The following DAB1 variants were observed in gnomAD, a reference collection of about 807,000 sequenced individuals.
DAB1 encodes disabled homolog 1.
Under a neutral mutation model 64.6 loss-of-function variants are expected in DAB1, and 15 were observed. That is an observed-to-expected ratio of 0.23 (90% confidence interval 0.16 to 0.36). The LOEUF is 0.36. Ranked by LOEUF, DAB1 falls within the 10% of genes least tolerant of loss-of-function variation. DAB1 has a pLI of 1.00. For synonymous variants in DAB1, 235 were observed against 251.9 expected (o/e 0.93, Z 0.64); for missense variants, 596 against 706.7 (o/e 0.84, Z 1.78).
At chr1:57,097,837 G>A (rs916556156) in intron 4 of DAB1, among the ~76,000 whole-genome samples, 2 of 151,676 alleles carry the variant, frequency 1.3e-5, no homozygotes, top group African/African-American at 4.9e-5. Context: ...GAGTGCAGTG[G>A]TGCAATCTCA....
intron 6 of DAB1, among the ~76,000 whole-genome samples, chr1:57,761,264 G>A (rs1649073842): frequency 6.6e-6 from 1 of 152,226 alleles, no homozygotes; most frequent in South Asian, 2.1e-4. Flanking sequence ...GGAACTAGAA[G>A]ACATCAGGTT....
intron 3 of DAB1, among the ~76,000 whole-genome samples, chr1:58,419,628 T>G (rs1000453237): frequency 3.9e-5 from 6 of 152,220 alleles, no homozygotes; most frequent in Non-Finnish European, 8.8e-5. Flanking sequence ...CTTCCTGACC[T>G]ACTGGCTCCT....
At chr1:58,359,378 C>G (rs1050128931) in intron 3 of DAB1, among the ~76,000 whole-genome samples, 6 of 152,208 alleles carry the variant, frequency 3.9e-5, no homozygotes, top group African/African-American at 1.4e-4. Flanking sequence ...CTAAACCACA[C>G]TAAACTTCTG....
chr1:57,299,991 CCT>C (rs778713212), intron 1 of DAB1, among the ~76,000 whole-genome samples: 3 of 152,174 alleles, frequency 2.0e-5, no homozygotes, highest in Non-Finnish European at 4.4e-5. Flanking sequence ...CTCTCCTCAT[CCT>C]CTTTTTCTCT....
intron 5 of DAB1, among the ~76,000 whole-genome samples, chr1:58,046,393 C>A (rs1219433272): frequency 6.6e-6 from 1 of 152,164 alleles, no homozygotes; most frequent in Non-Finnish European, 1.5e-5. Flanking sequence ...TGGGTGACAT[C>A]TTGTCCCTCC....
chr1:57,038,437 G>A (rs945319942), intron 9 of DAB1, among the ~76,000 whole-genome samples: 1 of 152,158 alleles, frequency 6.6e-6, no homozygotes, highest in Non-Finnish European at 1.5e-5. Flanking sequence ...CCCATTTAAT[G>A]CCAAAATGTG....
chr1:57,937,799 C>G (rs1487666922), intron 5 of DAB1, among the ~76,000 whole-genome samples: 3 of 152,218 alleles, frequency 2.0e-5, no homozygotes, highest in Non-Finnish European at 4.4e-5. Context: ...TTACTAGTAT[C>G]TGGAGGAGCT....
chr1:58,337,851 T>C (rs189450616), intron 4 of DAB1, among the ~76,000 whole-genome samples: 159 of 152,290 alleles, frequency 1.0e-3, no homozygotes, highest in African/African-American at 3.4e-3. Context: ...AAATGTTAAG[T>C]TCAGTGAGTA....
In DAB1 at chr1:57,277,215, G is replaced by A. The variant is rs75938367; in HGVS notation, c.67+13749C>T. 6.2e-3 allele frequency among the ~76,000 whole-genome samples: 942 copies of A among 152,202 alleles called. 8 individuals carry two copies. Among genetic ancestry groups the A allele is most frequent in the African/African-American group, 0.021 (889 of 41,538 alleles). On this transcript the variant is annotated intron_variant, in intron 2 of 14. Transcript: ENST00000371236. ...AAGCTACTATGGTCAACAAAGTATC[G>A]ATTTTGAAACCAGACTGCTTGGGTT...
chr1:57,661,967 G>A (rs905533405), intron 6 of DAB1, among the ~76,000 whole-genome samples: 2 of 152,010 alleles, frequency 1.3e-5, no homozygotes, highest in Non-Finnish European at 2.9e-5. Context: ...AGGAATGTTG[G>A]GACTTGAGGG....
chr1:57,447,762 T>G (rs1271291998), intron 7 of DAB1, among the ~76,000 whole-genome samples: 1 of 152,128 alleles, frequency 6.6e-6, no homozygotes, highest in Non-Finnish European at 1.5e-5. Flanking sequence ...GCAGCATCTC[T>G]TATCAAGATC....
chr1:58,299,395 A>G (rs1662068909), intron 4 of DAB1, among the ~76,000 whole-genome samples: 1 of 152,176 alleles, frequency 6.6e-6, no homozygotes, highest in Non-Finnish European at 1.5e-5. Flanking sequence ...AAGATAATCA[A>G]CTCAGATGTG....
At chr1:58,189,771 T>G (rs1255154524) in intron 4 of DAB1, among the ~76,000 whole-genome samples, 2 of 152,182 alleles carry the variant, frequency 1.3e-5, no homozygotes, top group Non-Finnish European at 2.9e-5. Context: ...AAATGCTCCA[T>G]GGGGCAAGCC....
intron 1 of DAB1, among the ~76,000 whole-genome samples, chr1:57,852,892 A>G (rs1051168523): frequency 1.3e-5 from 2 of 152,160 alleles, no homozygotes; most frequent in Non-Finnish European, 2.9e-5. Flanking sequence ...CAGTATCCTC[A>G]GGGACCTAGA....
chr1:58,486,616 C>T (rs1255736328), intron 3 of DAB1, among the ~76,000 whole-genome samples: 2 of 152,152 alleles, frequency 1.3e-5, no homozygotes, highest in African/African-American at 2.4e-5. Context: ...AGGCCTTACA[C>T]ACTAGGGTAA....
chr1:58,263,118 G>A (rs909066316), intron 4 of DAB1, among the ~76,000 whole-genome samples: 30 of 152,160 alleles, frequency 2.0e-4, no homozygotes, highest in African/African-American at 7.2e-4. Context: ...GCAAAAATAT[G>A]TAATATGGCA....
At chr1:57,165,336 A>T (rs1335535832) in intron 2 of DAB1, among the ~76,000 whole-genome samples, 1 of 152,216 alleles carries the variant, frequency 6.6e-6, no homozygotes, top group Non-Finnish European at 1.5e-5. Flanking sequence ...AAAGAGCTCA[A>T]TATGGTCTAT....
chr1:57,680,854 C>T (rs1201594242), intron 6 of DAB1, among the ~76,000 whole-genome samples: 1 of 152,168 alleles, frequency 6.6e-6, no homozygotes, highest in Non-Finnish European at 1.5e-5. Flanking sequence ...CTACTTCCTT[C>T]CCCCAATCTA....
At position 57,117,425 on chromosome 1, in the gene DAB1, G is replaced by A. The variant is rs138159532; in HGVS notation, c.306+19118C>T. ...TACTCATTTTATAGATGAAGACAAT[G>A]AGGCTCAGGCTGATTAAGTCCCCAA... On this transcript the variant is annotated intron_variant, in intron 4 of 14. Coordinates refer to ENST00000371236, the MANE Select transcript of DAB1 (RefSeq NM_001365792.1). Among the ~76,000 whole-genome samples the A allele has an allele frequency of 3.8e-3, 572 of 152,306 alleles. 4 individuals carry two copies. The highest frequency in any genetic ancestry group is 5.6e-3 in the Non-Finnish European group (381 of 68,030).
Sources: gnomAD v4.1 joint callset for allele counts (sites outside exome capture counted in the v4.1 genomes callset) on GRCh38, gnomAD v4.1.1 for gene constraint, MANE v1.5 for transcripts, NCBI Gene and HGNC (gene_info 2026-07-23, HGNC 2026-07-21) for gene names.